The following BTBD9 variants were observed in gnomAD, a reference collection of about 807,000 sequenced individuals.
BTBD9 encodes BTB domain containing 9.
BTBD9 carries 49 observed loss-of-function variants against 64.3 expected under a neutral mutation model. The ratio of observed to expected loss-of-function variants is 0.76; its 90% confidence interval spans 0.61 to 0.97. The LOEUF is 0.97. Ranked by LOEUF, BTBD9 falls within the 50% of genes least tolerant of loss-of-function variation. BTBD9 has a pLI of 0.00. For missense variants in BTBD9, 598 were observed against 762.1 expected, an observed-to-expected ratio of 0.78 and a Z score of 2.53; for synonymous variants, 260 against 274.7, an observed-to-expected ratio of 0.95 and a Z score of 0.53.
chr6:38,199,973 T>A (rs1299060032), intron 9 of BTBD9, among the ~76,000 whole-genome samples: 1 of 152,176 alleles, frequency 6.6e-6, no homozygotes, highest in African/African-American at 2.4e-5. Flanking sequence ...CAAAGCTCTA[T>A]TTTAGGACCT....
At chr6:38,321,328 G>C (rs1763223573) in intron 7 of BTBD9, among the ~76,000 whole-genome samples, 1 of 152,164 alleles carries the variant, frequency 6.6e-6, no homozygotes, top group South Asian at 2.1e-4. Context: ...AGAGAGGAGA[G>C]AAAGAAGGAA....
chr6:38,550,428 T>C (rs1361874758), intron 6 of BTBD9, among the ~76,000 whole-genome samples: 4 of 151,902 alleles, frequency 2.6e-5, no homozygotes, highest in Non-Finnish European at 5.9e-5. Flanking sequence ...GTGATTCTCC[T>C]GCCTCAGCCT....
chr6:38,624,153 C>G (rs1159827104), intron 1 of BTBD9, among the ~76,000 whole-genome samples: 4 of 152,206 alleles, frequency 2.6e-5, no homozygotes, highest in African/African-American at 9.7e-5. Flanking sequence ...CCAATCTGCG[C>G]TCTGTAAAAC....
At chr6:38,584,261 G>T (rs958779102) in intron 4 of BTBD9, among the ~76,000 whole-genome samples, 15 of 152,342 alleles carry the variant, frequency 9.8e-5, no homozygotes, top group African/African-American at 3.6e-4. Context: ...CTGGGAGGTG[G>T]AGGCTGCAGT....
intron 2 of BTBD9, among the ~76,000 whole-genome samples, chr6:38,596,841 A>ATAGTAATG (rs1777053948): frequency 6.6e-6 from 1 of 152,152 alleles, no homozygotes; most frequent in African/African-American, 2.4e-5. Context: ...AAACACTTTA[A>ATAGTAATG]TAGTAATGAC....
At chr6:38,236,242 C>G (rs1273653544) in intron 9 of BTBD9, among the ~76,000 whole-genome samples, 1 of 152,192 alleles carries the variant, frequency 6.6e-6, no homozygotes, top group Admixed American at 6.5e-5. Flanking sequence ...GAACTAGCAA[C>G]ACTACTATAG....
rs187119944 is a variant in BTBD9, at chr6:38,529,464, G to C, written c.1154+48136C>G. 1.0e-3 allele frequency among the ~76,000 whole-genome samples: 159 copies of C among 152,270 alleles called. 1 individual carries two copies. Among genetic ancestry groups the C allele is most frequent in the African/African-American group, 3.5e-3 (147 of 41,564 alleles). The stretch of plus-strand genomic sequence containing the variant: ...TTGACTACCTGGGAAGCCTTCCCAA[G>C]AAGGACAGATACAGACAAGCCCAGA... On this transcript the variant is annotated intron_variant, in intron 6 of 10. Transcript: ENST00000481247.
intron 6 of BTBD9, among the ~76,000 whole-genome samples, chr6:38,555,183 C>T (rs1461759548): frequency 1.3e-5 from 2 of 152,184 alleles, no homozygotes; most frequent in Non-Finnish European, 2.9e-5. Flanking sequence ...GGTTCTGTTT[C>T]TTTGCCTCAC....
At chr6:38,486,453 G>A (rs1465177118) in intron 6 of BTBD9, among the ~76,000 whole-genome samples, 6 of 152,138 alleles carry the variant, frequency 3.9e-5, no homozygotes, top group Non-Finnish European at 7.4e-5. Flanking sequence ...GAGAGATGTG[G>A]CTCTTCCTTT....
At chr6:38,599,216 C>T (rs1257243602) in intron 1 of BTBD9, among the ~76,000 whole-genome samples, 1 of 152,030 alleles carries the variant, frequency 6.6e-6, no homozygotes, top group African/African-American at 2.4e-5. Context: ...AACAGCTTTA[C>T]GTGTAAGAAA....
At chr6:38,414,020 A>T (rs535990796) in intron 6 of BTBD9, among the ~76,000 whole-genome samples, 2 of 152,256 alleles carry the variant, frequency 1.3e-5, no homozygotes, top group South Asian at 4.1e-4. Context: ...AAGTGCTGTT[A>T]TTGTAGCTAT....
intron 7 of BTBD9, among the ~76,000 whole-genome samples, chr6:38,332,697 A>T (rs987753274): frequency 3.9e-5 from 6 of 152,156 alleles, no homozygotes; most frequent in Non-Finnish European, 7.4e-5. Context: ...GCAAAATATT[A>T]AAAAAACACA....
intron 6 of BTBD9, among the ~76,000 whole-genome samples, chr6:38,501,514 C>CT (rs1461615151): frequency 2.0e-5 from 3 of 152,170 alleles, no homozygotes. Context: ...TTCTTGGCCC[C>CT]TTTTTGCATC....
chr6:38,529,595 T>C (rs1773687410), intron 6 of BTBD9, among the ~76,000 whole-genome samples: 1 of 152,196 alleles, frequency 6.6e-6, no homozygotes, highest in Non-Finnish European at 1.5e-5. Context: ...TTGCGGGAAG[T>C]CAGGGACCCC....
At chr6:38,417,575 A>G (rs552572309) in intron 6 of BTBD9, among the ~76,000 whole-genome samples, 1 of 152,240 alleles carries the variant, frequency 6.6e-6, no homozygotes, top group Admixed American at 6.5e-5. Flanking sequence ...CGACTTTGAT[A>G]CTAGCCTGGG....
chr6:38,345,136 C>A, intron 6 of BTBD9, 43 bp from the exon 7 acceptor site: 1 of 1,284,120 alleles, frequency 7.8e-7, no homozygotes. Context: ...AATGAGCTCC[C>A]ACCACAACCA....
intron 9 of BTBD9, among the ~76,000 whole-genome samples, chr6:38,220,085 C>T (rs529850737): frequency 3.9e-5 from 6 of 152,268 alleles, no homozygotes; most frequent in East Asian, 3.9e-4. Flanking sequence ...ATGTGTTTTG[C>T]GTCTCTGGGC....
chr6:38,547,354 T>C (rs1353748600), intron 6 of BTBD9, among the ~76,000 whole-genome samples: 2 of 152,078 alleles, frequency 1.3e-5, no homozygotes, highest in African/African-American at 4.8e-5. Flanking sequence ...CGCTTAAGCC[T>C]GGGAGGTCGA....
At chr6:38,320,454 TCATATCTA>T (rs1330796847) in intron 7 of BTBD9, among the ~76,000 whole-genome samples, 1 of 152,218 alleles carries the variant, frequency 6.6e-6, no homozygotes, top group African/African-American at 2.4e-5. Context: ...TCTCTTTCCA[TCATATCTA>T]CATATTAATT....
Sources: allele counts gnomAD v4.1 joint callset (sites outside exome capture counted in the v4.1 genomes callset), GRCh38; gene constraint gnomAD v4.1.1; transcripts MANE v1.5; gene names NCBI Gene and HGNC (gene_info 2026-07-23, HGNC 2026-07-21).